The following AGBL4 variants were observed in gnomAD, a reference collection of about 807,000 sequenced individuals.
The protein encoded by AGBL4 is AGBL carboxypeptidase 4.
Under a neutral mutation model 66.4 loss-of-function variants are expected in AGBL4, and 58 were observed. The observed-to-expected ratio is 0.87, with a 90% CI of 0.71 to 1.09. The LOEUF is 1.09. AGBL4 is among the 50% of genes least tolerant of loss of function. The pLI is 0.00. For synonymous variants in AGBL4, 234 were observed against 222.9 expected (o/e 1.05, Z -0.44); for missense variants, 579 against 631.0 (o/e 0.92, Z 0.88).
At chr1:49,490,089 C>G (rs927819204) in intron 3 of AGBL4, among the ~76,000 whole-genome samples, 1 of 151,790 alleles carries the variant, frequency 6.6e-6, no homozygotes, top group Non-Finnish European at 1.5e-5. Context: ...GAGGTAGTGG[C>G]AGCAGGCATC....
intron 3 of AGBL4, among the ~76,000 whole-genome samples, chr1:49,276,471 C>T (rs1415922622): frequency 6.6e-6 from 1 of 152,052 alleles, no homozygotes; most frequent in Admixed American, 6.6e-5. Flanking sequence ...TGTTCAGAGA[C>T]CCAACAAATA....
chr1:48,539,511 G>T (rs545384815), intron 12 of AGBL4, 131 bp downstream of exon 12: 13 of 645,636 alleles, frequency 2.0e-5, no homozygotes, highest in African/African-American at 9.5e-5. Flanking sequence ...AATCTCGGTG[G>T]CAGGGCCAGG....
chr1:49,150,384 A>G (rs1646304701), intron 4 of AGBL4, among the ~76,000 whole-genome samples: 1 of 152,192 alleles, frequency 6.6e-6, no homozygotes, highest in South Asian at 2.1e-4. Flanking sequence ...ATAATATTAC[A>G]AGTGAGCGGC....
chr1:49,541,527 G>A (rs934440883), intron 3 of AGBL4, among the ~76,000 whole-genome samples: 41 of 152,222 alleles, frequency 2.7e-4, no homozygotes, highest in African/African-American at 8.7e-4. Context: ...CCGGCCTGCC[G>A]GTGCTGTGCT....
At chr1:49,603,241 C>T (rs1450311305) in intron 3 of AGBL4, among the ~76,000 whole-genome samples, 1 of 152,122 alleles carries the variant, frequency 6.6e-6, no homozygotes, top group Non-Finnish European at 1.5e-5. Context: ...GTCCACTGAG[C>T]ATCCATCTGC....
At chr1:49,305,553 G>A (rs1467903260) in intron 3 of AGBL4, among the ~76,000 whole-genome samples, 3 of 152,156 alleles carry the variant, frequency 2.0e-5, no homozygotes, top group African/African-American at 7.2e-5. Flanking sequence ...GTGTACATAT[G>A]CAGTGTGAAC....
chr1:49,905,041 T>C (rs1650137725), intron 1 of AGBL4, among the ~76,000 whole-genome samples: 1 of 152,232 alleles, frequency 6.6e-6, no homozygotes, highest in Admixed American at 6.6e-5. Flanking sequence ...TCAGAATTCC[T>C]CTTGTGATGA....
rs542202444 is a variant in AGBL4 at position 48,662,194 on chromosome 1, G to A, written c.724+958C>T. On this transcript the variant is annotated intron_variant, in intron 7 of 13. Transcript: ENST00000371839. ...CTGCTTCATCTTCTCAGATTCCCAC[G>A]GGGAAGGCGGTAACATCTGTTGAGT... Among the ~76,000 whole-genome samples, 442 of 152,324 alleles carry A rather than the reference G, an allele frequency of 2.9e-3. 2 individuals are homozygous for A. The highest frequency in any genetic ancestry group is 0.01 in the African/African-American group (429 of 41,574).
rs75213143 is a variant in AGBL4, at chr1:49,607,028, T to A, written c.282+90285A>T. ...AATTTCTCAGCTTGACCTCCTCCTA[T>A]CCATACTTCAAAATTCAGTTCAAAT... On this transcript the variant is annotated intron_variant, in intron 3 of 13. Transcript: ENST00000371839. Among the ~76,000 whole-genome samples, 1,034 of 152,220 alleles carry A rather than the reference T, an allele frequency of 6.8e-3. 9 individuals carry two copies. The highest frequency in any genetic ancestry group is 0.024 in the African/African-American group (995 of 41,542).
chr1:48,816,090 T>TAGA (rs1646170452), intron 6 of AGBL4, among the ~76,000 whole-genome samples: 1 of 104,434 alleles, frequency 9.6e-6, no homozygotes, highest in Admixed American at 1.1e-4. Flanking sequence ...TGTGTGTGTG[T>TAGA]GTAGAGAGAA....
chr1:49,612,419 CTT>C (rs1645172219), intron 3 of AGBL4, among the ~76,000 whole-genome samples: 1 of 152,048 alleles, frequency 6.6e-6, no homozygotes, highest in African/African-American at 2.4e-5. Context: ...TAGGCGTCAA[CTT>C]TTGTTATGAA....
chr1:49,420,180 C>T (rs1645512660), intron 3 of AGBL4, among the ~76,000 whole-genome samples: 1 of 152,032 alleles, frequency 6.6e-6, no homozygotes. Flanking sequence ...TCTGTAAAGA[C>T]AAAAATCTCT....
chr1:49,006,036 A>G (rs1661764481), intron 5 of AGBL4, among the ~76,000 whole-genome samples: 1 of 151,992 alleles, frequency 6.6e-6, no homozygotes, highest in Non-Finnish European at 1.5e-5. Context: ...AGATGGCCGA[A>G]TAGGAACAGC....
chr1:49,344,044 G>T (rs796340607), intron 3 of AGBL4, among the ~76,000 whole-genome samples: 1 of 152,260 alleles, frequency 6.6e-6, no homozygotes, highest in African/African-American at 2.4e-5. Context: ...AGAGCCATTA[G>T]ATTCCAGGTA....
chr1:48,547,767 A>T (rs965578534), intron 11 of AGBL4, among the ~76,000 whole-genome samples: 7 of 152,086 alleles, frequency 4.6e-5, no homozygotes, highest in Admixed American at 4.6e-4. Flanking sequence ...TAACTGAAGG[A>T]TCCTCTGTTC....
At chr1:49,370,914 T>C in intron 3 of AGBL4, among the ~76,000 whole-genome samples, 1 of 152,190 alleles carries the variant, frequency 6.6e-6, no homozygotes, top group East Asian at 1.9e-4. Flanking sequence ...TAGATTACCT[T>C]CCATAATGTG....
chr1:49,282,440 T>C (rs946761912), intron 3 of AGBL4, among the ~76,000 whole-genome samples: 12 of 152,116 alleles, frequency 7.9e-5, no homozygotes, highest in African/African-American at 2.2e-4. Flanking sequence ...GGTGGACTGA[T>C]TATACTATGT....
At chr1:49,606,719 G>T (rs1645069818) in intron 3 of AGBL4, among the ~76,000 whole-genome samples, 2 of 152,076 alleles carry the variant, frequency 1.3e-5, no homozygotes, top group African/African-American at 4.8e-5. Flanking sequence ...GAAAGGTGAG[G>T]TGATATATCC....
intron 6 of AGBL4, among the ~76,000 whole-genome samples, chr1:48,771,331 T>C (rs1321400330): frequency 6.6e-6 from 1 of 152,224 alleles, no homozygotes; most frequent in African/African-American, 2.4e-5. Flanking sequence ...AATTCTGCTT[T>C]CTGGATGTGC....
Sources: gnomAD v4.1 joint callset for allele counts (sites outside exome capture counted in the v4.1 genomes callset) on GRCh38, gnomAD v4.1.1 for gene constraint, MANE v1.5 for transcripts, NCBI Gene and HGNC (gene_info 2026-07-23, HGNC 2026-07-21) for gene names.